Variants in CCDC150 observed in about 807,000 individuals in gnomAD.
The protein encoded by CCDC150 is coiled-coil domain-containing protein 150.
CCDC150 carries 151 observed loss-of-function variants against 156.5 expected under a neutral mutation model. The ratio of observed to expected loss-of-function variants is 0.97; its 90% CI spans 0.85 to 1.10. The LOEUF is 1.10. Among genes scored for constraint, CCDC150 ranks in the 50% least tolerant of loss-of-function variants. The pLI, the probability that CCDC150 is intolerant of heterozygous loss-of-function variation, is 0.00. For synonymous variants in CCDC150, 452 were observed against 429.4 expected, an observed-to-expected ratio of 1.05 and a Z score of -0.65; for missense variants, 1,312 against 1,268.1, an observed-to-expected ratio of 1.03 and a Z score of -0.53.
chr2:196,684,616 A>G (rs1471168623), intron 13 of CCDC150, among the ~76,000 whole-genome samples: 1 of 152,098 alleles, frequency 6.6e-6, no homozygotes. Context: ...TCTTCTGTCC[A>G]GTTGTTCTGC....
intron 2 of CCDC150, among the ~76,000 whole-genome samples, chr2:196,651,112 C>T (rs1196169818): frequency 6.6e-6 from 1 of 152,180 alleles, no homozygotes; most frequent in Admixed American, 6.5e-5. Flanking sequence ...ACAAAAAACA[C>T]AGTAGGCTAT....
In CCDC150 at chr2:196,663,531, G is replaced by T. The variant is rs139781861; in HGVS notation, c.646-2036G>T. ...ATTATGAAGGTAATAATTGAAAAAA[G>T]AATCTTATAGGAATTTATCTTAATG... On this transcript the variant is annotated intron_variant, in intron 5 of 27. Transcript: ENST00000389175. 9.9e-4 allele frequency among the ~76,000 whole-genome samples: 151 copies of T among 152,054 alleles called. No individual in the cohort carries two copies. In the East Asian group the frequency reaches 0.019, roughly 19 times the overall value.
chr2:196,710,224 C>T lies in CCDC150; in HGVS notation c.1696-1921C>T, dbSNP rs574632160. On this transcript the variant is annotated intron_variant, in intron 15 of 27. Transcript: ENST00000389175. ...CTACTCAAGCCTCAGCAATGGCGGA[C>T]GCCCCTCCCCATGCCAGGCTGCTGC... Among the ~76,000 whole-genome samples the T allele has an allele frequency of 4.4e-4, 67 of 152,386 alleles. 1 individual carries two copies. The East Asian group carries it at 0.01, about 23-fold the overall frequency.
At chr2:196,689,228 G>T (rs984043784) in intron 13 of CCDC150, among the ~76,000 whole-genome samples, 2 of 152,088 alleles carry the variant, frequency 1.3e-5, no homozygotes, top group African/African-American at 4.8e-5. Context: ...GGCGATGTGG[G>T]CTCTTTTTTG....
intron 1 of CCDC150, among the ~76,000 whole-genome samples, chr2:196,642,648 ATTGTTTGGTTTTTGTTTTTGT>A (rs1189934760): frequency 1.7e-4 from 26 of 152,180 alleles, no homozygotes; most frequent in Admixed American, 5.2e-4. Context: ...TGACCTTGGC[ATTGTTTGGTTTTTGTTTTTGT>A]TTTCCCATGG....
At chr2:196,708,989 G>C (rs1045793144) in intron 15 of CCDC150, among the ~76,000 whole-genome samples, 3 of 152,138 alleles carry the variant, frequency 2.0e-5, no homozygotes, top group African/African-American at 7.2e-5. Context: ...TCTTGGGATT[G>C]CTCTTCTTGA....
At chr2:196,725,514 C>A (rs1332276815) in intron 21 of CCDC150, among the ~76,000 whole-genome samples, 2 of 152,196 alleles carry the variant, frequency 1.3e-5, no homozygotes, top group Middle Eastern at 3.2e-3. Context: ...AATATTATTA[C>A]AAGTTAAAAC....
At position 196,721,636 on chromosome 2, in the gene CCDC150, A is replaced by ATT. The variant is rs1697920893; in HGVS notation, c.2375_2376dup (p.Gln793PhefsTer22). 6.2e-7 allele frequency: 1 copy of ATT among 1,604,448 alleles called. No individual in the cohort carries two copies. Among genetic ancestry groups the ATT allele is most frequent in the South Asian group, 1.1e-5 (1 of 88,246 alleles). ...TCATCTGCAAACAAAGCTAGATCAC[A>ATT]TTCAAGAGCAATTGGAAAGCAAAGA... On this transcript the variant is annotated frameshift_variant, in exon 21 of 28. Transcript: ENST00000389175. LOFTEE classifies it high-confidence loss of function.
intron 15 of CCDC150, among the ~76,000 whole-genome samples, chr2:196,706,580 T>G (rs1696658681): frequency 6.6e-6 from 1 of 152,258 alleles, no homozygotes; most frequent in Non-Finnish European, 1.5e-5. Flanking sequence ...AGGGCATCCC[T>G]GTCTTGTGCC....
chr2:196,689,530 G>C (rs1016893143), intron 13 of CCDC150, among the ~76,000 whole-genome samples: 32 of 152,060 alleles, frequency 2.1e-4, no homozygotes, highest in African/African-American at 7.7e-4. Context: ...GTTCAGTCAT[G>C]ATTTGGCTCT....
intron 13 of CCDC150, among the ~76,000 whole-genome samples, chr2:196,692,842 G>A (rs1272926843): frequency 6.6e-6 from 1 of 152,116 alleles, no homozygotes; most frequent in Non-Finnish European, 1.5e-5. Context: ...ACTTCCATTT[G>A]ATCTAGTGCT....
chr2:196,698,592 G>C (rs1695970375), intron 14 of CCDC150, among the ~76,000 whole-genome samples: 3 of 152,070 alleles, frequency 2.0e-5, no homozygotes, highest in South Asian at 4.1e-4. Flanking sequence ...CATATTTTAG[G>C]TTAACTCTAG....
chr2:196,712,091 T>C (rs1213794584), intron 15 of CCDC150, 54 bp from the exon 16 acceptor site: 12 of 733,586 alleles, frequency 1.6e-5, no homozygotes, highest in Middle Eastern at 3.9e-4. Context: ...TAAATATATA[T>C]GTTTAAATGT....
intron 1 of CCDC150, among the ~76,000 whole-genome samples, chr2:196,642,710 G>C (rs1692303465): frequency 6.6e-6 from 1 of 152,070 alleles, no homozygotes; most frequent in African/African-American, 2.4e-5. Flanking sequence ...TGGGAGGGAA[G>C]GTTTTTAACT....
intron 5 of CCDC150, among the ~76,000 whole-genome samples, chr2:196,659,640 A>C (rs951045764): frequency 1.3e-5 from 2 of 152,186 alleles, no homozygotes; most frequent in Non-Finnish European, 2.9e-5. Context: ...GCTCATAGTT[A>C]GAATGTATTC....
rs766690876 is a variant in CCDC150, at chr2:196,639,761, G to C, written c.-6G>C. 1 of 1,574,666 alleles carries C rather than the reference G, an allele frequency of 6.4e-7. No individual in the cohort carries two copies. The highest frequency in any genetic ancestry group is 1.2e-5 in the South Asian group (1 of 85,458). Reference sequence around the variant, plus strand: ...CCTGCTGCAGTACGGAGCCTCAGGCGGACAGATGGACTGTAAGGTGAGGCT... The same window carrying C: ...CCTGCTGCAGTACGGAGCCTCAGGCCGACAGATGGACTGTAAGGTGAGGCT... On this transcript the variant is annotated 5_prime_UTR_variant, in exon 1 of 28. Coordinates refer to ENST00000389175, the MANE Select transcript of CCDC150 (RefSeq NM_001080539.2).
chr2:196,712,453 C>T, intron 16 of CCDC150: 1 of 569,728 alleles, frequency 1.8e-6, no homozygotes, highest in Non-Finnish European at 3.2e-6. Flanking sequence ...ATACCTGAAG[C>T]AGGATTGAGA....
chr2:196,730,516 T>G (rs141817011), intron 25 of CCDC150, among the ~76,000 whole-genome samples: 1 of 152,196 alleles, frequency 6.6e-6, no homozygotes, highest in Admixed American at 6.5e-5. Flanking sequence ...GCATAACGTC[T>G]TATCACTGAA....
At chr2:196,670,615 G>T (rs1694143747) in intron 8 of CCDC150, among the ~76,000 whole-genome samples, 1 of 148,012 alleles carries the variant, frequency 6.8e-6, no homozygotes, top group Non-Finnish European at 1.5e-5. Flanking sequence ...TCAGGTCCTT[G>T]TTTTTGAAAA....
Sources: allele counts gnomAD v4.1 joint callset (sites outside exome capture counted in the v4.1 genomes callset), GRCh38; gene constraint gnomAD v4.1.1; transcripts MANE v1.5; gene names NCBI Gene and HGNC (gene_info 2026-07-23, HGNC 2026-07-21).